The following SLC4A10 variants were observed in gnomAD, a reference collection of about 807,000 sequenced individuals.
SLC4A10 encodes the protein sodium-driven chloride bicarbonate exchanger.
A neutral mutation model predicts 137.7 loss-of-function variants in SLC4A10; 42 were observed. The ratio of observed to expected loss-of-function variants is 0.30; its 90% CI spans 0.24 to 0.39. The LOEUF (loss-of-function observed/expected upper bound fraction) is 0.39, where lower values mean the gene tolerates loss of function less well. SLC4A10 is among the 10% of genes least tolerant of loss of function. The probability of loss-of-function intolerance (pLI) is 1.00; values close to 1 mark genes in which losing one functional copy is unlikely to be tolerated. For synonymous variants in SLC4A10, 474 were observed against 464.1 expected (o/e 1.02, Z -0.27); for missense variants, 925 against 1,355.0 (o/e 0.68, Z 4.98).
intron 2 of SLC4A10, among the ~76,000 whole-genome samples, chr2:161,786,254 TTTG>T (rs2053614712): frequency 6.6e-6 from 1 of 151,980 alleles, no homozygotes; most frequent in African/African-American, 2.4e-5. Flanking sequence ...TATGCTCTTT[TTTG>T]TTTTCCATTG....
At chr2:161,865,223 G>A (rs764934861) in intron 6 of SLC4A10, among the ~76,000 whole-genome samples, 3 of 151,828 alleles carry the variant, frequency 2.0e-5, no homozygotes, top group Non-Finnish European at 4.4e-5. Flanking sequence ...ATTGTAATAT[G>A]CAGATCTAGG....
At chr2:161,706,416 C>T (rs2043665790) in intron 1 of SLC4A10, among the ~76,000 whole-genome samples, 1 of 151,526 alleles carries the variant, frequency 6.6e-6, no homozygotes. Flanking sequence ...CCTCATTTCT[C>T]ACATTCAATC....
chr2:161,752,686 G>A lies in SLC4A10; in HGVS notation c.49-18287G>A, dbSNP rs536588812. 2.0e-5 allele frequency among the ~76,000 whole-genome samples: 3 copies of A among 152,166 alleles called. No individual in the cohort carries two copies. In the South Asian group the frequency reaches 6.2e-4, roughly 31 times the overall value. On this transcript the variant is annotated intron_variant, in intron 1 of 26. Coordinates refer to ENST00000446997, the MANE Select transcript of SLC4A10 (RefSeq NM_001178015.2). ...GCAAAAACACAGATGAATCTGGAGGGCATTATGTTAAGTGAACTAAGCAAG... is the reference window on the plus strand; with the variant it reads ...GCAAAAACACAGATGAATCTGGAGGACATTATGTTAAGTGAACTAAGCAAG...
At chr2:161,748,968 A>G (rs1419117351) in intron 1 of SLC4A10, among the ~76,000 whole-genome samples, 1 of 151,950 alleles carries the variant, frequency 6.6e-6, no homozygotes, top group Non-Finnish European at 1.5e-5. Flanking sequence ...AACATTTTAT[A>G]GTTTTCAGTG....
intron 1 of SLC4A10, among the ~76,000 whole-genome samples, chr2:161,743,223 G>A (rs1409409318): frequency 1.3e-5 from 2 of 152,052 alleles, no homozygotes; most frequent in African/African-American, 2.4e-5. Context: ...TTTCCACAAT[G>A]TTTTCTTTTA....
chr2:161,897,480 G>A (rs1392377311), intron 11 of SLC4A10, among the ~76,000 whole-genome samples: 5 of 152,062 alleles, frequency 3.3e-5, no homozygotes, highest in Admixed American at 6.6e-5. Context: ...CCAGAGGTGG[G>A]CAAATGAGCA....
In SLC4A10 at chr2:161,984,514, G is replaced by A. The variant is rs970882583; in HGVS notation, c.*1362G>A. On this transcript the variant is annotated 3_prime_UTR_variant, in exon 27 of 27. Transcript: ENST00000446997. ...GTTTTATAATAATTCAGAGCCCTGT[G>A]GCTTTTACACACCGTTAATTATGTA... 1.3e-5 allele frequency: 2 copies of A among 151,974 alleles called. No individual in the cohort carries two copies. Among genetic ancestry groups the A allele is most frequent in the Non-Finnish European group, 2.9e-5 (2 of 67,954 alleles). 9.4% of individuals were successfully genotyped at this position (151,974 alleles called of 1,614,324 possible).
intron 23 of SLC4A10, among the ~76,000 whole-genome samples, chr2:161,971,140 T>G (rs149729927): frequency 6.6e-6 from 1 of 152,356 alleles, no homozygotes; most frequent in African/African-American, 2.4e-5. Flanking sequence ...TACCTGCCAT[T>G]GAATGGATTA....
intron 1 of SLC4A10, among the ~76,000 whole-genome samples, chr2:161,721,913 G>A (rs749373291): frequency 3.3e-5 from 5 of 151,722 alleles, no homozygotes; most frequent in South Asian, 2.1e-4. Flanking sequence ...TAATCTTGTC[G>A]CCTGTCTTAC....
At chr2:161,865,815 A>G (rs1355451772) in intron 6 of SLC4A10, among the ~76,000 whole-genome samples, 3 of 152,058 alleles carry the variant, frequency 2.0e-5, no homozygotes, top group Non-Finnish European at 4.4e-5. Flanking sequence ...TGTAAATTGG[A>G]AATTCTGTTT....
chr2:161,961,290 A>T (rs1201197705), intron 21 of SLC4A10, among the ~76,000 whole-genome samples: 1 of 152,158 alleles, frequency 6.6e-6, no homozygotes, highest in African/African-American at 2.4e-5. Flanking sequence ...TCTGGGGGAA[A>T]CTTAAGTATG....
intron 3 of SLC4A10, among the ~76,000 whole-genome samples, chr2:161,806,097 G>C (rs2055919525): frequency 1.3e-5 from 2 of 152,136 alleles, no homozygotes; most frequent in Non-Finnish European, 2.9e-5. Context: ...AGCTGCCAAG[G>C]CTTGAGGCTT....
chr2:161,744,325 G>T (rs1441134795), intron 1 of SLC4A10, among the ~76,000 whole-genome samples: 2 of 151,902 alleles, frequency 1.3e-5, no homozygotes, highest in Non-Finnish European at 2.9e-5. Flanking sequence ...GTTTTTTGAG[G>T]ATTCTTAACA....
chr2:161,853,782 G>T (rs548578869), intron 4 of SLC4A10, among the ~76,000 whole-genome samples: 12 of 152,084 alleles, frequency 7.9e-5, no homozygotes, highest in Non-Finnish European at 1.5e-4. Flanking sequence ...GCAGGTATAA[G>T]TATTCTTTTC....
intron 15 of SLC4A10, among the ~76,000 whole-genome samples, chr2:161,934,513 G>T (rs1691213701): frequency 6.6e-6 from 1 of 152,004 alleles, no homozygotes; most frequent in African/African-American, 2.4e-5. Context: ...TCTTTTTATG[G>T]CTGAATAGTA....
chr2:161,747,050 T>G (rs1456987836), intron 1 of SLC4A10, among the ~76,000 whole-genome samples: 1 of 151,934 alleles, frequency 6.6e-6, no homozygotes, highest in Non-Finnish European at 1.5e-5. Context: ...AGCATTCCCT[T>G]GGCTGCCACA....
At chr2:161,801,495 TACTAATTTTGACAGGTAGC>T (rs2055361116) in intron 2 of SLC4A10, among the ~76,000 whole-genome samples, 1 of 152,110 alleles carries the variant, frequency 6.6e-6, no homozygotes, top group South Asian at 2.1e-4. Flanking sequence ...ACACAGGTAG[TACTAATTTTGACAGGTAGC>T]ATCTCTACTT....
At chr2:161,852,349 CT>C (rs1331177500) in intron 4 of SLC4A10, among the ~76,000 whole-genome samples, 1 of 152,136 alleles carries the variant, frequency 6.6e-6, no homozygotes, top group Non-Finnish European at 1.5e-5. Context: ...GTCTCCCTTC[CT>C]TTTGCTCTTT....
intron 12 of SLC4A10, 22 bp downstream of exon 12, chr2:161,901,033 G>T (rs1287569183): frequency 6.7e-7 from 1 of 1,492,744 alleles, no homozygotes; most frequent in Admixed American, 2.0e-5. Flanking sequence ...TCACTTCTAT[G>T]GGACTTCAAG....
Sources: gnomAD v4.1 joint callset for allele counts (sites outside exome capture counted in the v4.1 genomes callset) on GRCh38, gnomAD v4.1.1 for gene constraint, MANE v1.5 for transcripts, NCBI Gene and HGNC (gene_info 2026-07-23, HGNC 2026-07-21) for gene names.